The following LRRC3B variants were observed in gnomAD, a reference collection of about 807,000 sequenced individuals.
LRRC3B encodes leucine rich repeat containing 3B.
A neutral mutation model predicts 12.8 loss-of-function variants in LRRC3B; 2 were observed. That is an observed-to-expected ratio of 0.16 (90% confidence interval 0.06 to 0.49). LRRC3B has a LOEUF of 0.49. LRRC3B is among the 20% of genes least tolerant of loss of function. The probability of loss-of-function intolerance (pLI) is 0.96; values close to 1 mark genes in which losing one functional copy is unlikely to be tolerated. For missense variants in LRRC3B, 189 were observed against 319.4 expected, an observed-to-expected ratio of 0.59 and a Z score of 3.11; for synonymous variants, 132 against 122.0, an observed-to-expected ratio of 1.08 and a Z score of -0.54.
intron 1 of LRRC3B, among the ~76,000 whole-genome samples, chr3:26,640,122 A>T (rs1020617843): frequency 6.6e-6 from 1 of 152,162 alleles, no homozygotes; most frequent in African/African-American, 2.4e-5. Context: ...AGGAAACTGC[A>T]TTTTTGTTAA....
chr3:26,675,964 C>T (rs1699850121), intron 1 of LRRC3B, among the ~76,000 whole-genome samples: 1 of 147,386 alleles, frequency 6.8e-6, no homozygotes, highest in Non-Finnish European at 1.5e-5. Flanking sequence ...GTTATAAAGC[C>T]CCTTTCTTTT....
At chr3:26,675,089 G>A (rs370521406) in intron 1 of LRRC3B, among the ~76,000 whole-genome samples, 83 of 152,188 alleles carry the variant, frequency 5.5e-4, no homozygotes, top group East Asian at 1.4e-3. Flanking sequence ...TTTGTTTTCC[G>A]TGTACTTTAG....
At chr3:26,691,332 G>A (rs1700190639) in intron 1 of LRRC3B, among the ~76,000 whole-genome samples, 1 of 151,822 alleles carries the variant, frequency 6.6e-6, no homozygotes, top group Admixed American at 6.6e-5. Context: ...TGGAGGGGTA[G>A]TTATTCCATT....
At chr3:26,650,867 G>A (rs140463012) in intron 1 of LRRC3B, among the ~76,000 whole-genome samples, 53 of 152,244 alleles carry the variant, frequency 3.5e-4, no homozygotes, top group Non-Finnish European at 6.6e-4. Flanking sequence ...TCTTGCGTCA[G>A]GCATAGCTCA....
chr3:26,646,806 G>A (rs1466399559), intron 1 of LRRC3B, among the ~76,000 whole-genome samples: 2 of 152,004 alleles, frequency 1.3e-5, no homozygotes, highest in Admixed American at 1.3e-4. Context: ...TAGGGTGTGG[G>A]TGAGGCAGTG....
At chr3:26,685,480 T>C (rs1490413740) in intron 1 of LRRC3B, among the ~76,000 whole-genome samples, 2 of 100,310 alleles carry the variant, frequency 2.0e-5, no homozygotes, top group South Asian at 7.7e-4. Flanking sequence ...TATGGTAGAC[T>C]CTCTCCCTCT....
chr3:26,673,971 A>G (rs1197883117), intron 1 of LRRC3B, among the ~76,000 whole-genome samples: 1 of 151,748 alleles, frequency 6.6e-6, no homozygotes, highest in Non-Finnish European at 1.5e-5. Flanking sequence ...GATTGTAAAT[A>G]ACAAATAATA....
chr3:26,669,719 C>T (rs1271265710), intron 1 of LRRC3B, among the ~76,000 whole-genome samples: 1 of 152,078 alleles, frequency 6.6e-6, no homozygotes, highest in East Asian at 1.9e-4. Context: ...TTTTCTTTCC[C>T]CAAAGTTGAA....
intron 1 of LRRC3B, among the ~76,000 whole-genome samples, chr3:26,644,558 G>A (rs1164039967): frequency 6.6e-6 from 1 of 152,108 alleles, no homozygotes; most frequent in Non-Finnish European, 1.5e-5. Flanking sequence ...ATAAAGGACA[G>A]GGTAAAAAAC....
intron 1 of LRRC3B, among the ~76,000 whole-genome samples, chr3:26,659,392 A>G (rs907552930): frequency 6.6e-6 from 1 of 152,086 alleles, no homozygotes; most frequent in Non-Finnish European, 1.5e-5. Flanking sequence ...CATCTCTCCA[A>G]CCCAGTTCCA....
intron 1 of LRRC3B, among the ~76,000 whole-genome samples, chr3:26,697,437 C>A (rs978027726): frequency 6.6e-6 from 1 of 152,104 alleles, no homozygotes; most frequent in African/African-American, 2.4e-5. Context: ...TAAGAGCACT[C>A]AAAATTACAT....
intron 1 of LRRC3B, among the ~76,000 whole-genome samples, chr3:26,684,034 T>C (rs1174820166): frequency 1.2e-4 from 19 of 152,256 alleles, no homozygotes; most frequent in Non-Finnish European, 2.8e-4. Context: ...TGTGGACTTG[T>C]CCCGTTTCTC....
chr3:26,709,993 C>A, exon 2 of LRRC3B: 1 of 1,614,082 alleles, frequency 6.2e-7, no homozygotes, highest in Non-Finnish European at 8.5e-7. Flanking sequence ...ATGAGCATGC[C>A]TTCAAAGGAG....
Position 26,709,737 on chromosome 3 carries a change from T to TTC in LRRC3B, c.67_68dup (p.Met24LeufsTer2). On this transcript the variant is annotated frameshift_variant, in exon 2 of 2. Coordinates refer to ENST00000396641, the Ensembl canonical transcript of LRRC3B. LOFTEE classifies it high-confidence loss of function. ...ATGTGTCTCCTCCTACAAAGTTTTG[T>TTC]TCTTATGATACTGTGCTTTCATTCT... is the stretch of plus-strand genomic sequence containing the variant. 6.2e-7 allele frequency: 1 copy of TTC among 1,614,154 alleles called. No individual in the cohort carries two copies. The highest frequency in any genetic ancestry group is 8.5e-7 in the Non-Finnish European group (1 of 1,180,008).
intron 1 of LRRC3B, among the ~76,000 whole-genome samples, chr3:26,646,034 C>T (rs1175159756): frequency 6.6e-5 from 10 of 152,082 alleles, no homozygotes; most frequent in South Asian, 2.1e-4. Context: ...CAAGGGTGTG[C>T]GCTTGTTTCC....
At chr3:26,640,076 C>T (rs1458707106) in intron 1 of LRRC3B, among the ~76,000 whole-genome samples, 1 of 152,146 alleles carries the variant, frequency 6.6e-6, no homozygotes, top group East Asian at 1.9e-4. Flanking sequence ...TTTAAAGCAC[C>T]TCTGCCTCTG....
chr3:26,665,958 GATA>G (rs1383090788), intron 1 of LRRC3B, among the ~76,000 whole-genome samples: 1 of 152,154 alleles, frequency 6.6e-6, no homozygotes. Flanking sequence ...TGTTTGCAAA[GATA>G]ATAAATCATT....
In LRRC3B at chr3:26,651,613, G is replaced by GAATGAATGAATGAATGAATA. The variant is rs1476465329; in HGVS notation, c.-161+28390_-161+28391insTGAATAAATGAATGAATGAA. Among the ~76,000 whole-genome samples, 4 of 152,322 alleles carry GAATGAATGAATGAATGAATA rather than the reference G, an allele frequency of 2.6e-5. No homozygotes were observed. In the East Asian group the frequency reaches 7.7e-4, roughly 29 times the overall value. ...ATATCTGTTGAATGAATGAATGAAT[G>GAATGAATGAATGAATGAATA]AATGAATGAATGAAGTGTAGTAACA... On this transcript the variant is annotated intron_variant, in intron 1 of 1. Transcript: ENST00000396641.
chr3:26,684,625 G>A (rs550845562), intron 1 of LRRC3B, among the ~76,000 whole-genome samples: 2 of 152,278 alleles, frequency 1.3e-5, no homozygotes, highest in Non-Finnish European at 2.9e-5. Context: ...AAGGCAGAAG[G>A]GCAAAGAGAC....
Sources: allele counts gnomAD v4.1 joint callset (sites outside exome capture counted in the v4.1 genomes callset), GRCh38; gene constraint gnomAD v4.1.1; transcripts MANE v1.5; gene names NCBI Gene and HGNC (gene_info 2026-07-23, HGNC 2026-07-21).